Variants in KMT5B observed in about 807,000 individuals in gnomAD.
The protein encoded by KMT5B is lysine methyltransferase 5B, also known as histone-lysine N-methyltransferase KMT5B.
KMT5B carries 10 observed loss-of-function variants against 83.2 expected under a neutral mutation model. That is an observed-to-expected ratio of 0.12 (90% CI 0.07 to 0.20). The LOEUF (loss-of-function observed/expected upper bound fraction) is 0.20. Ranked by LOEUF, KMT5B falls within the 10% of genes least tolerant of loss-of-function variation. The pLI, the probability that KMT5B is intolerant of heterozygous loss-of-function variation, is 1.00. For synonymous variants in KMT5B, 349 were observed against 388.8 expected (o/e 0.90, Z 1.20); for missense variants, 753 against 1,067.2 (o/e 0.71, Z 4.10).
chr11:68,210,217 AG>A (rs1486762680), intron 1 of KMT5B, among the ~76,000 whole-genome samples: 1 of 151,342 alleles, frequency 6.6e-6, no homozygotes, highest in Non-Finnish European at 1.5e-5. Flanking sequence ...CTGGCATTGT[AG>A]GAGTCATACA....
chr11:68,170,150 T>C (rs1052431084), intron 9 of KMT5B, among the ~76,000 whole-genome samples: 14 of 152,222 alleles, frequency 9.2e-5, no homozygotes, highest in African/African-American at 3.1e-4. Context: ...GTGACACTAA[T>C]AACTCTGATC....
At chr11:68,205,142 T>C (rs908259763) in intron 1 of KMT5B, among the ~76,000 whole-genome samples, 1 of 142,238 alleles carries the variant, frequency 7.0e-6, no homozygotes, top group East Asian at 2.1e-4. Context: ...CCCTCATCTC[T>C]ACCAAAAAAA....
chr11:68,213,580 C>T (rs1321735429), upstream of KMT5B: 6 of 152,934 alleles, frequency 3.9e-5, no homozygotes, highest in East Asian at 1.9e-4. Flanking sequence ...TCCCGGGCGT[C>T]CTCACCTCAT....
intron 10 of KMT5B, 189 bp downstream of exon 10, chr11:68,166,793 G>C: frequency 7.0e-7 from 1 of 1,426,846 alleles, no homozygotes; most frequent in Non-Finnish European, 9.1e-7. Flanking sequence ...GGACGGTACT[G>C]AAGTTAGAGA....
chr11:68,172,037 A>C (rs955345539), intron 6 of KMT5B, among the ~76,000 whole-genome samples: 2 of 152,048 alleles, frequency 1.3e-5, no homozygotes, highest in African/African-American at 4.8e-5. Flanking sequence ...GCAATGAATT[A>C]AACTTTCTGA....
At chr11:68,200,521 T>A (rs1859302815) in intron 1 of KMT5B, among the ~76,000 whole-genome samples, 1 of 152,218 alleles carries the variant, frequency 6.6e-6, no homozygotes, top group African/African-American at 2.4e-5. Flanking sequence ...GGCTTTGCTT[T>A]AAGAAACAGA....
rs754307757 is a variant in KMT5B at position 68,158,343 on chromosome 11, C to T, written c.2003G>A (p.Cys668Tyr). 6.2e-7 allele frequency: 1 copy of T among 1,614,168 alleles called. No individual in the cohort carries two copies. The highest frequency in any genetic ancestry group is 1.1e-5 in the South Asian group (1 of 91,084). ...TVGVPVSYTD[C>Y]APSPVGCSVV... ...TGAACAACCGACGGGTGAAGGAGCA[C>T]AGTCTGTGTAGCTCACAGGCACGCC... is the stretch of plus-strand genomic sequence containing the variant. Residue 668 changes from cysteine to tyrosine, a missense_variant, in exon 11 of 11, where the codon TGT becomes TAT. By Grantham distance (194) the Cys-to-Tyr change is radical. This residue lies in a region of KMT5B where 397 missense variants were observed against 395.9 expected (regional missense o/e 1.00). Coordinates refer to ENST00000304363, the MANE Select transcript of KMT5B (RefSeq NM_017635.5).
At chr11:68,191,917 T>G (rs1253614618) in intron 1 of KMT5B, among the ~76,000 whole-genome samples, 1 of 152,240 alleles carries the variant, frequency 6.6e-6, no homozygotes, top group Non-Finnish European at 1.5e-5. Flanking sequence ...TCATGGGAAG[T>G]GCCCTTCACA....
chr11:68,165,285 C>T (rs1045278767), intron 10 of KMT5B, among the ~76,000 whole-genome samples: 2 of 152,124 alleles, frequency 1.3e-5, no homozygotes, highest in African/African-American at 4.8e-5. Context: ...AGGCGGATCA[C>T]CTGAGGTCAG....
chr11:68,177,783 C>A (rs1363295155), intron 4 of KMT5B, among the ~76,000 whole-genome samples: 1 of 152,102 alleles, frequency 6.6e-6, no homozygotes, highest in Non-Finnish European at 1.5e-5. Flanking sequence ...ACTAGTCTGT[C>A]GACATATGGT....
Position 68,171,194 on chromosome 11 carries a change from A to G in KMT5B, c.840+38T>C. The G allele has an allele frequency of 1.2e-6, 2 of 1,604,352 alleles. No homozygotes were observed. The highest frequency in any genetic ancestry group is 1.7e-6 in the Non-Finnish European group (2 of 1,177,982). Reference sequence around the variant, plus strand: ...CAGTAAGAAACTCACACCTGAAGCAAAAACAAAATACTTGAAGAAAATTTT... The same window carrying G: ...CAGTAAGAAACTCACACCTGAAGCAGAAACAAAATACTTGAAGAAAATTTT... On this transcript the variant is annotated intron_variant, in intron 8 of 10. Coordinates refer to ENST00000304363, the MANE Select transcript of KMT5B (RefSeq NM_017635.5). The surrounding 1 kb of genome is among the most constrained non-coding windows in gnomAD (Gnocchi z 5.1).
At position 68,159,001 on chromosome 11, in the gene KMT5B, G is replaced by A. The variant is rs758690747; in HGVS notation, c.1345C>T (p.Leu449Phe). 6.2e-7 allele frequency: 1 copy of A among 1,612,058 alleles called. No homozygotes were observed. The highest frequency in any genetic ancestry group is 8.5e-7 in the Non-Finnish European group (1 of 1,179,594). Residue 449 changes from leucine to phenylalanine, a missense_variant, in exon 11 of 11, where the codon CTT becomes TTT. By Grantham distance (22) the Leu-to-Phe change is conservative. Coordinates refer to ENST00000304363, the MANE Select transcript of KMT5B (RefSeq NM_017635.5). ...TGATTTCTCAATTTTATCTTTGAAA[G>A]TAAAGGCTTTGCAGGCTTCTTCAGT... ...KKLKKPAKPL[L>F]SKIKLRNHCK... is the part of the protein sequence containing the mutation.
At chr11:68,174,120 A>C in intron 5 of KMT5B, 1 of 621,958 alleles carries the variant, frequency 1.6e-6, no homozygotes, top group Non-Finnish European at 3.0e-6. Flanking sequence ...GGCTGAGAGG[A>C]AGAATCACTT....
chr11:68,180,621 G>C (rs550261784), intron 3 of KMT5B, among the ~76,000 whole-genome samples: 1 of 152,234 alleles, frequency 6.6e-6, no homozygotes, highest in Admixed American at 6.5e-5. Context: ...AAGAAAAGTT[G>C]AAAAGAGAAA....
At chr11:68,190,229 G>A (rs1857885315) in intron 1 of KMT5B, 77 bp from the exon 2 acceptor site, 2 of 664,664 alleles carry the variant, frequency 3.0e-6, no homozygotes, top group Non-Finnish European at 5.2e-6. Context: ...ACAGACCCTT[G>A]AGAAAGATAT....
intron 1 of KMT5B, among the ~76,000 whole-genome samples, chr11:68,196,582 C>T (rs1197471885): frequency 6.6e-6 from 1 of 151,628 alleles, no homozygotes; most frequent in Non-Finnish European, 1.5e-5. Context: ...ATTAAAGATA[C>T]TTCCTGACCT....
intron 10 of KMT5B, among the ~76,000 whole-genome samples, chr11:68,162,014 G>T (rs1023252504): frequency 1.3e-5 from 2 of 152,124 alleles, no homozygotes; most frequent in African/African-American, 4.8e-5. Context: ...CACATGCCCA[G>T]CTGCCAAAGC....
chr11:68,209,803 T>G (rs1860641153), intron 1 of KMT5B, among the ~76,000 whole-genome samples: 1 of 152,130 alleles, frequency 6.6e-6, no homozygotes, highest in African/African-American at 2.4e-5. Flanking sequence ...TTGAGCCACG[T>G]GTACCACCTA....
At chr11:68,160,962 AAAG>A (rs1252787841) in intron 10 of KMT5B, among the ~76,000 whole-genome samples, 1 of 152,170 alleles carries the variant, frequency 6.6e-6, no homozygotes, top group African/African-American at 2.4e-5. Flanking sequence ...AAACAAAAAC[AAAG>A]AAGGTCCTGC....
Sources: gnomAD v4.1 joint callset for allele counts (sites outside exome capture counted in the v4.1 genomes callset) on GRCh38, gnomAD v4.1.1 for gene constraint, gnomAD v4.1.1 regional missense constraint, Gnocchi (gnomAD v3.1) non-coding constraint, MANE v1.5 for transcripts, NCBI Gene and HGNC (gene_info 2026-07-23, HGNC 2026-07-21) for gene names.